RYR2: variants seen among roughly 807,000 people sequenced by gnomAD.
The protein encoded by RYR2 is ryanodine receptor 2, also known as cardiac muscle ryanodine receptor-calcium release channel.
RYR2 carries 227 observed loss-of-function variants against 601.1 expected under a neutral mutation model. The ratio of observed to expected loss-of-function variants is 0.38; its 90% CI spans 0.34 to 0.42. RYR2 has a LOEUF of 0.42. Ranked by LOEUF, RYR2 falls within the 10% of genes least tolerant of loss-of-function variation. The pLI, the probability that RYR2 is intolerant of heterozygous loss-of-function variation, is 1.00. For synonymous variants in RYR2, 2,223 were observed against 2,175.1 expected (o/e 1.02, Z -0.61); for missense variants, 4,646 against 6,156.5 (o/e 0.75, Z 8.21).
intron 4 of RYR2, 102 bp downstream of exon 4, chr1:237,356,087 T>C: frequency 9.8e-7 from 1 of 1,023,910 alleles, no homozygotes; most frequent in East Asian, 2.6e-5. Context: ...CTTGTACTAT[T>C]AGTGTTCAAA....
chr1:237,810,887 TTA>T (rs891010446), intron 100 of RYR2, among the ~76,000 whole-genome samples: 2 of 152,274 alleles, frequency 1.3e-5, no homozygotes, highest in South Asian at 4.1e-4. Context: ...TTGTGTGAAA[TTA>T]TATATACACA....
At chr1:237,608,894 TC>T (rs1259912957) in intron 35 of RYR2, among the ~76,000 whole-genome samples, 1 of 151,520 alleles carries the variant, frequency 6.6e-6, no homozygotes, top group Admixed American at 6.6e-5. Context: ...ACTATTGACT[TC>T]TACTGACATT....
Position 237,494,315 on chromosome 1 carries a change from C to T in RYR2, c.1961+1228C>T, listed in dbSNP as rs576932392. On this transcript the variant is annotated intron_variant, in intron 19 of 104. Transcript: ENST00000366574. ...GCCCCTGGCAAACCACTGCTAAGTC[C>T]AAGAGTCCAAAAGCTGAAGAACTTG... Among the ~76,000 whole-genome samples the T allele has an allele frequency of 1.2e-4, 18 of 152,226 alleles. No homozygotes were observed. In the South Asian group the frequency reaches 3.7e-3, roughly 32 times the overall value.
intron 1 of RYR2, among the ~76,000 whole-genome samples, chr1:237,208,461 A>ACT (rs1300552930): frequency 6.6e-6 from 1 of 152,110 alleles, no homozygotes. Context: ...TAGCTGTTGA[A>ACT]CTAGAAGTGC....
intron 2 of RYR2, among the ~76,000 whole-genome samples, chr1:237,287,656 A>G (rs1364494179): frequency 6.6e-6 from 1 of 152,052 alleles, no homozygotes; most frequent in African/African-American, 2.4e-5. Context: ...GGTTTTCTGA[A>G]TTTTTGATTG....
At chr1:237,176,672 G>A (rs1678097900) in intron 1 of RYR2, among the ~76,000 whole-genome samples, 1 of 152,000 alleles carries the variant, frequency 6.6e-6, no homozygotes, top group Admixed American at 6.6e-5. Context: ...TTATCAAACT[G>A]TCAATACATT....
At chr1:237,143,777 C>G (rs1673655854) in intron 1 of RYR2, among the ~76,000 whole-genome samples, 1 of 152,124 alleles carries the variant, frequency 6.6e-6, no homozygotes, top group South Asian at 2.1e-4. Flanking sequence ...CCTGTCTGAC[C>G]AGTGTTGGGG....
At chr1:237,568,701 C>G (rs904441760) in intron 28 of RYR2, among the ~76,000 whole-genome samples, 1 of 152,110 alleles carries the variant, frequency 6.6e-6, no homozygotes, top group Non-Finnish European at 1.5e-5. Context: ...GAAAATTACA[C>G]TATCATTTTC....
Position 237,094,597 on chromosome 1 carries a change from C to T in RYR2, c.48+52028C>T, listed in dbSNP as rs141482755. ...ATATTATTATTATTATTTTTTGAGA[C>T]GGAGTCTCGCTCTGTCGCCCAGGCT... is the stretch of plus-strand genomic sequence containing the variant. On this transcript the variant is annotated intron_variant, in intron 1 of 104. Transcript: ENST00000366574. Among the ~76,000 whole-genome samples, 994 of 152,122 alleles carry T rather than the reference C, an allele frequency of 6.5e-3. 6 individuals are homozygous for T. The highest frequency in any genetic ancestry group is 0.022 in the African/African-American group (903 of 41,490).
At chr1:237,473,431 C>CTCTCTCTTTCTTTCTTTCTTTCTT (rs1553464651) in intron 17 of RYR2, among the ~76,000 whole-genome samples, 1 of 115,772 alleles carries the variant, frequency 8.6e-6, no homozygotes, top group African/African-American at 3.2e-5. Flanking sequence ...CTCTCTCTCT[C>CTCTCTCTTTCTTTCTTTCTTTCTT]TCTTTCTTTC....
At chr1:237,445,664 G>A in intron 14 of RYR2, 142 bp downstream of exon 14, 1 of 974,500 alleles carries the variant, frequency 1.0e-6, no homozygotes, top group Non-Finnish European at 1.5e-6. Context: ...GTTAGGAAGT[G>A]TTAATGAGAT....
intron 2 of RYR2, among the ~76,000 whole-genome samples, chr1:237,296,148 A>G (rs1010138654): frequency 6.6e-6 from 1 of 152,174 alleles, no homozygotes; most frequent in Non-Finnish European, 1.5e-5. Context: ...ATGAGTGTGG[A>G]CTGTTCAAAG....
At position 237,500,803 on chromosome 1, in the gene RYR2, AT is replaced by A; in HGVS notation, c.2297del (p.Ile766ThrfsTer33). The A allele has an allele frequency of 6.2e-7, 1 of 1,614,042 alleles. No individual in the cohort carries two copies. Among genetic ancestry groups the A allele is most frequent in the Non-Finnish European group, 8.5e-7 (1 of 1,179,896 alleles). ...CTGTTTAGATCTGAGTGCCCCAAGC[AT>A]CTCGTTCCGAATTAATGGACAACCT... ...SCCLDLSAPS[I>X]SFRINGQPVQ... On this transcript the variant is annotated frameshift_variant, in exon 21 of 105. Coordinates refer to ENST00000366574, the MANE Select transcript of RYR2 (RefSeq NM_001035.3). LOFTEE classifies it high-confidence loss of function.
intron 97 of RYR2, among the ~76,000 whole-genome samples, chr1:237,801,315 G>C (rs1399063477): frequency 7.1e-6 from 1 of 141,432 alleles, no homozygotes; most frequent in African/African-American, 2.7e-5. Context: ...CAGATCCCCT[G>C]AGATCAGGAG....
intron 12 of RYR2, among the ~76,000 whole-genome samples, chr1:237,428,182 C>G (rs890596630): frequency 6.6e-6 from 1 of 152,092 alleles, no homozygotes; most frequent in Middle Eastern, 3.2e-3. Context: ...CCATTGTGGA[C>G]GACAGTGTGG....
chr1:237,162,046 G>T (rs1269721236), intron 1 of RYR2, among the ~76,000 whole-genome samples: 1 of 152,058 alleles, frequency 6.6e-6, no homozygotes, highest in Non-Finnish European at 1.5e-5. Context: ...ACACTTAAAT[G>T]AATTAAAACA....
intron 7 of RYR2, among the ~76,000 whole-genome samples, chr1:237,375,424 T>C (rs369616899): frequency 6.6e-6 from 1 of 152,208 alleles, no homozygotes; most frequent in South Asian, 2.1e-4. Context: ...TGAGCATGCA[T>C]CACTTTGTAA....
chr1:237,301,373 G>A (rs1263427773), intron 2 of RYR2, among the ~76,000 whole-genome samples: 1 of 152,028 alleles, frequency 6.6e-6, no homozygotes, highest in East Asian at 1.9e-4. Flanking sequence ...TTTTAAGAAA[G>A]ATAAAAAAGT....
chr1:237,586,881 G>A (rs1257956060), intron 29 of RYR2, among the ~76,000 whole-genome samples: 4 of 151,548 alleles, frequency 2.6e-5, no homozygotes, highest in South Asian at 2.1e-4. Context: ...CACCATGCCC[G>A]GCTAATTTTT....
Sources: allele counts gnomAD v4.1 joint callset (sites outside exome capture counted in the v4.1 genomes callset), GRCh38; gene constraint gnomAD v4.1.1; transcripts MANE v1.5; gene names NCBI Gene and HGNC (gene_info 2026-07-23, HGNC 2026-07-21).